MYT1L: variants seen among roughly 807,000 people sequenced by gnomAD.
The protein encoded by MYT1L is myelin transcription factor 1-like protein.
MYT1L carries 12 observed loss-of-function variants against 126.7 expected under a neutral mutation model. That is an observed-to-expected ratio of 0.09 (90% CI 0.06 to 0.15). The LOEUF (loss-of-function observed/expected upper bound fraction) is 0.15. MYT1L is among the 10% of genes least tolerant of loss of function. The pLI, the probability that MYT1L is intolerant of heterozygous loss-of-function variation, is 1.00. For synonymous variants in MYT1L, 541 were observed against 604.2 expected (o/e 0.90, Z 1.53); for missense variants, 979 against 1,585.2 (o/e 0.62, Z 6.49).
chr2:2,315,067 T>C (rs2096042597), intron 1 of MYT1L, among the ~76,000 whole-genome samples: 1 of 152,166 alleles, frequency 6.6e-6, no homozygotes, highest in African/African-American at 2.4e-5. Flanking sequence ...TTCTCTGTGC[T>C]TTCTATCTCA....
At position 1,910,105 on chromosome 2, in the gene MYT1L, C is replaced by T. The variant is rs2051716687; in HGVS notation, c.1817+135G>A. On this transcript the variant is annotated intron_variant, in intron 13 of 24. Coordinates refer to ENST00000647738, the MANE Select transcript of MYT1L (RefSeq NM_001303052.2). The surrounding 1 kb of genome is among the most constrained non-coding windows in gnomAD (Gnocchi z 4.8). ...CTGGAGTGAGGGGTCCTGGCCCCGG[C>T]TTCCAGCACAGCCCCGCCCTCCAGT... 8 of 773,856 alleles carry T rather than the reference C, an allele frequency of 1.0e-5. No homozygotes were observed. Among genetic ancestry groups the T allele is most frequent in the South Asian group, 8.9e-5 (5 of 56,238 alleles). 47.9% of individuals were successfully genotyped at this position (773,856 alleles called of 1,614,324 possible). A position where few individuals can be genotyped will look rare whatever the true frequency, so the allele number is the denominator to read the frequency against.
chr2:2,287,255 GA>G (rs559003508), intron 1 of MYT1L, among the ~76,000 whole-genome samples: 21 of 148,128 alleles, frequency 1.4e-4, no homozygotes, highest in Admixed American at 4.7e-4. Flanking sequence ...AACTCCGTCT[GA>G]AAAAAAAAAG....
intron 4 of MYT1L, among the ~76,000 whole-genome samples, chr2:2,013,949 T>C (rs776807942): frequency 6.6e-6 from 1 of 152,198 alleles, no homozygotes; most frequent in Admixed American, 6.5e-5. Flanking sequence ...GAAGAAGTGT[T>C]TGCTCCATGC....
Position 2,216,785 on chromosome 2 carries a change from G to C in MYT1L, c.-420-43797C>G, listed in dbSNP as rs1380997048. Among the ~76,000 whole-genome samples the C allele has an allele frequency of 5.4e-5, 8 of 147,948 alleles. No individual in the cohort carries two copies. The East Asian group carries it at 1.4e-3, about 25-fold the overall frequency. ...ATCCCTGGTCAGGCTGGTCAGGAGA[G>C]AGAAAGAGAGAGAGAGAGAGAGAAC... On this transcript the variant is annotated intron_variant, in intron 2 of 24. Transcript: ENST00000647738.
intron 21 of MYT1L, among the ~76,000 whole-genome samples, chr2:1,813,077 TC>T (rs1386304274): frequency 1.3e-5 from 2 of 151,904 alleles, no homozygotes; most frequent in African/African-American, 2.4e-5. Context: ...CTCCCATCTT[TC>T]CCCCGCTGAA....
chr2:1,979,458 C>T lies in MYT1L; in HGVS notation c.89+63G>A. ...GATGAGCTGGAAGGTGCAGTGTGCCCATTAGAAGGCGTGAATTTTCCAAAC... is the reference window on the plus strand; with the variant it reads ...GATGAGCTGGAAGGTGCAGTGTGCCTATTAGAAGGCGTGAATTTTCCAAAC... On this transcript the variant is annotated intron_variant, in intron 7 of 24. Coordinates refer to ENST00000647738, the MANE Select transcript of MYT1L (RefSeq NM_001303052.2). The surrounding 1 kb of genome is among the most constrained non-coding windows in gnomAD (Gnocchi z 4.0). 2 of 1,479,102 alleles carry T rather than the reference C, an allele frequency of 1.4e-6. No individual in the cohort carries two copies. The highest frequency in any genetic ancestry group is 1.1e-5 in the South Asian group (1 of 88,170). 91.6% of individuals were successfully genotyped at this position (1,479,102 alleles called of 1,614,324 possible). A position where few individuals can be genotyped will look rare whatever the true frequency, so the allele number is the denominator to read the frequency against.
In MYT1L at chr2:1,922,872, G is replaced by A. The variant is rs377285450; in HGVS notation, c.897C>T (p.Tyr299=). 2.1e-5 allele frequency: 34 copies of A among 1,613,946 alleles called. No individual in the cohort carries two copies. Among genetic ancestry groups the A allele is most frequent in the Middle Eastern group, 1.6e-4 (1 of 6,062 alleles). Residue 299 remains tyrosine (Y), a synonymous_variant, in exon 10 of 25, where the codon TAC becomes TAT. Transcript: ENST00000647738. The surrounding 1 kb of genome is among the most constrained non-coding windows in gnomAD (Gnocchi z 7.4). ...TGTTCATGGGCTTCCCCAACATGAC[G>A]TAATTCATATTTCTACTGTCTTGCT... The part of the protein sequence containing the change: ...MSQQDSRNMN[Y]VMLGKPMNNG...
chr2:2,239,170 C>T (rs528320839), intron 2 of MYT1L, among the ~76,000 whole-genome samples: 1 of 152,362 alleles, frequency 6.6e-6, no homozygotes, highest in South Asian at 2.1e-4. Flanking sequence ...TTTAGAGCCA[C>T]CCCCAGCTCC....
At chr2:2,149,885 C>A (rs1438143523) in intron 3 of MYT1L, among the ~76,000 whole-genome samples, 1 of 152,224 alleles carries the variant, frequency 6.6e-6, no homozygotes, top group Non-Finnish European at 1.5e-5. Context: ...TCTCCAACTG[C>A]ATGTGTGGGA....
intron 4 of MYT1L, among the ~76,000 whole-genome samples, chr2:2,016,765 C>T (rs1006512510): frequency 1.3e-5 from 2 of 152,254 alleles, no homozygotes; most frequent in African/African-American, 4.8e-5. Flanking sequence ...CATCTGTAAT[C>T]ATCTAGATCA....
At chr2:1,798,839 C>A (rs1363107695) in intron 23 of MYT1L, among the ~76,000 whole-genome samples, 1 of 152,240 alleles carries the variant, frequency 6.6e-6, no homozygotes, top group East Asian at 1.9e-4. Context: ...CTCCTCCATA[C>A]TCCCCGGGCA....
chr2:2,185,449 G>A (rs1027695861), intron 2 of MYT1L, among the ~76,000 whole-genome samples: 8 of 151,340 alleles, frequency 5.3e-5, no homozygotes, highest in African/African-American at 1.7e-4. Flanking sequence ...ACGCAGCCGG[G>A]CCTCCTCGAG....
intron 3 of MYT1L, among the ~76,000 whole-genome samples, chr2:2,108,052 C>T (rs1171209858): frequency 6.6e-6 from 1 of 152,158 alleles, no homozygotes; most frequent in Admixed American, 6.5e-5. Context: ...TTTATTTTTA[C>T]CAACAGAAAC....
At chr2:1,911,966 G>T (rs1191839301) in intron 12 of MYT1L, 54 bp downstream of exon 12, 1 of 1,381,372 alleles carries the variant, frequency 7.2e-7, no homozygotes, top group Non-Finnish European at 9.9e-7. Context: ...GAAGGAGAAG[G>T]CATGGAGAGC....
rs1162734002 is a variant in MYT1L, at chr2:2,030,067, T to C, written c.-158+23911A>G. ...AGGCATGTCCTGTAGAGCCTGGTGA[T>C]GGGCATGAGGAATTGTTTTTGTTTG... is the stretch of plus-strand genomic sequence containing the variant. On this transcript the variant is annotated intron_variant, in intron 4 of 24. Coordinates refer to ENST00000647738, the MANE Select transcript of MYT1L (RefSeq NM_001303052.2). 2.6e-5 allele frequency among the ~76,000 whole-genome samples: 4 copies of C among 152,276 alleles called. No homozygotes were observed. The East Asian group carries it at 5.8e-4, about 22-fold the overall frequency.
chr2:2,007,096 AGG>A (rs2063408770), intron 4 of MYT1L, among the ~76,000 whole-genome samples: 1 of 151,874 alleles, frequency 6.6e-6, no homozygotes, highest in Non-Finnish European at 1.5e-5. Context: ...TTTGTCCATT[AGG>A]TTGCTTCTGT....
Position 1,903,243 on chromosome 2 carries a change from G to T in MYT1L, c.1869C>A (p.Asn623Lys), listed in dbSNP as rs769330618. ...QLEIPQYGYR[N>K]NVPTTTPRSN... The stretch of plus-strand genomic sequence containing the variant: ...AACGCGGCGTAGTTGTGGGGACATT[G>T]TTTCTGTAGCCATACTGAGGAATCT... Residue 623 changes from asparagine (N) to lysine (K), a missense_variant, in exon 14 of 25, where the codon AAC becomes AAA. Asn to Lys is a moderately conservative substitution (Grantham distance 94). This residue lies in a region of MYT1L where 82 missense variants were observed against 177.2 expected (regional missense o/e 0.46). Coordinates refer to ENST00000647738, the MANE Select transcript of MYT1L (RefSeq NM_001303052.2). 1.2e-6 allele frequency: 2 copies of T among 1,613,916 alleles called. No individual in the cohort carries two copies. The highest frequency in any genetic ancestry group is 1.7e-6 in the Non-Finnish European group (2 of 1,179,848).
At chr2:2,230,220 G>A (rs1268194567) in intron 2 of MYT1L, among the ~76,000 whole-genome samples, 1 of 152,192 alleles carries the variant, frequency 6.6e-6, no homozygotes. Flanking sequence ...AAAGGATAAG[G>A]AAAAGGCAGG....
intron 3 of MYT1L, among the ~76,000 whole-genome samples, chr2:2,084,533 G>A (rs906369433): frequency 6.6e-6 from 1 of 152,182 alleles, no homozygotes; most frequent in Non-Finnish European, 1.5e-5. Context: ...TCAGCCAGCA[G>A]CCAGCAAGGG....
Sources: allele counts gnomAD v4.1 joint callset (sites outside exome capture counted in the v4.1 genomes callset), GRCh38; gene constraint gnomAD v4.1.1; regional missense constraint gnomAD v4.1.1; non-coding constraint Gnocchi (gnomAD v3.1); transcripts MANE v1.5; gene names NCBI Gene and HGNC (gene_info 2026-07-23, HGNC 2026-07-21).